TSHZ2: variants seen among roughly 807,000 people sequenced by gnomAD.
The protein encoded by TSHZ2 is teashirt zinc finger homeobox 2.
Under a neutral mutation model 74.4 loss-of-function variants are expected in TSHZ2, and 21 were observed. The observed-to-expected ratio is 0.28, with a 90% confidence interval of 0.20 to 0.41. The LOEUF is 0.41. Ranked by LOEUF, TSHZ2 falls within the 10% of genes least tolerant of loss-of-function variation. The pLI is 1.00. For synonymous variants in TSHZ2, 540 were observed against 515.3 expected (o/e 1.05, Z -0.65); for missense variants, 1,244 against 1,293.5 (o/e 0.96, Z 0.59).
intron 2 of TSHZ2, among the ~76,000 whole-genome samples, chr20:53,411,266 C>T (rs1568905661): frequency 6.6e-6 from 1 of 152,186 alleles, no homozygotes; most frequent in Non-Finnish European, 1.5e-5. Flanking sequence ...TCCCAGGGGC[C>T]TCCAGTCTCA....
At chr20:53,380,295 G>C (rs1454430598) in intron 2 of TSHZ2, among the ~76,000 whole-genome samples, 1 of 151,974 alleles carries the variant, frequency 6.6e-6, no homozygotes. Flanking sequence ...AAAAACAAAG[G>C]CTTTCTTATT....
At chr20:53,433,094 T>C (rs941188416) in intron 2 of TSHZ2, among the ~76,000 whole-genome samples, 15 of 152,206 alleles carry the variant, frequency 9.9e-5, no homozygotes, top group Non-Finnish European at 2.2e-4. Flanking sequence ...AAATCTTTCT[T>C]GGAAACCCAG....
chr20:52,998,498 T>C lies in TSHZ2; in HGVS notation c.40+25165T>C, dbSNP rs556452227. Among the ~76,000 whole-genome samples, 5 of 152,320 alleles carry C rather than the reference T, an allele frequency of 3.3e-5. No homozygotes were observed. In the South Asian group the frequency reaches 8.3e-4, roughly 25 times the overall value. ...TCTGCCCTCTTCTTGGTCTAGTTAATGCCTTCACATGGTTCATATATTAGC... is the reference window on the plus strand; with the variant it reads ...TCTGCCCTCTTCTTGGTCTAGTTAACGCCTTCACATGGTTCATATATTAGC... On this transcript the variant is annotated intron_variant, in intron 1 of 2. Transcript: ENST00000371497.
At chr20:53,247,340 C>T (rs1990231874) in intron 1 of TSHZ2, among the ~76,000 whole-genome samples, 1 of 152,174 alleles carries the variant, frequency 6.6e-6, no homozygotes, top group Admixed American at 6.5e-5. Flanking sequence ...AGTCTGTGCT[C>T]AGGAATGGTG....
chr20:53,480,742 C>T (rs1217289444), intron 2 of TSHZ2, among the ~76,000 whole-genome samples: 3 of 151,974 alleles, frequency 2.0e-5, no homozygotes, highest in South Asian at 2.1e-4. Context: ...ATGGGAGTGT[C>T]GCATAAGAAC....
intron 2 of TSHZ2, among the ~76,000 whole-genome samples, chr20:53,294,931 C>T (rs971885753): frequency 6.6e-6 from 1 of 152,188 alleles, no homozygotes; most frequent in Non-Finnish European, 1.5e-5. Flanking sequence ...AGACACGAGT[C>T]ATTTCTGCTG....
chr20:53,380,508 T>C (rs1486659483), intron 2 of TSHZ2, among the ~76,000 whole-genome samples: 1 of 152,196 alleles, frequency 6.6e-6, no homozygotes, highest in African/African-American at 2.4e-5. Flanking sequence ...TGGCTGAGGA[T>C]TGTGAAACAC....
At chr20:53,105,445 A>C (rs1370014774) in intron 1 of TSHZ2, among the ~76,000 whole-genome samples, 2 of 152,128 alleles carry the variant, frequency 1.3e-5, no homozygotes, top group African/African-American at 4.8e-5. Context: ...AGATATTGCC[A>C]AATGTCTCTT....
At chr20:53,474,896 C>G (rs1985944728) in intron 2 of TSHZ2, among the ~76,000 whole-genome samples, 1 of 143,308 alleles carries the variant, frequency 7.0e-6, no homozygotes, top group South Asian at 2.3e-4. Context: ...CAACAAAGAT[C>G]AAAAGAGACA....
At chr20:53,213,946 A>G (rs1230178428) in intron 1 of TSHZ2, among the ~76,000 whole-genome samples, 2 of 152,160 alleles carry the variant, frequency 1.3e-5, no homozygotes, top group Non-Finnish European at 2.9e-5. Flanking sequence ...GTGCCTCTTC[A>G]ATATAGGACA....
chr20:53,342,792 G>A (rs6022405), intron 2 of TSHZ2, among the ~76,000 whole-genome samples: 49,824 of 151,484 alleles, frequency 0.33, 8,788 homozygotes, highest in South Asian at 0.47. Flanking sequence ...AGATTGACCC[G>A]TTTGGAGGAA....
In TSHZ2 at chr20:53,255,700, A is replaced by G. The variant is rs767857329; in HGVS notation, c.2242A>G (p.Arg748Gly). The change falls in exon 2 of 3, where the codon AGG (arginine) becomes GGG (glycine). Residue 748 changes from arginine to glycine, a missense_variant. Physicochemically the swap from Arg to Gly is moderately radical, Grantham distance 125 (BLOSUM62 -2). Transcript: ENST00000371497. The surrounding 1 kb of genome is among the most constrained non-coding windows in gnomAD (Gnocchi z 4.1). Reference protein sequence around the residue: ...DKPVLSPASTRSASVSRRYLF... With the variant: ...DKPVLSPASTGSASVSRRYLF... ...GCCGGTCTTGAGTCCTGCCTCCACAAGGTCAGCCAGCGTGTCCAGGCGCTA... is the reference window on the plus strand; with the variant it reads ...GCCGGTCTTGAGTCCTGCCTCCACAGGGTCAGCCAGCGTGTCCAGGCGCTA... The G allele has an allele frequency of 2.5e-6, 4 of 1,599,722 alleles. No individual in the cohort carries two copies. The highest frequency in any genetic ancestry group is 3.4e-6 in the Non-Finnish European group (4 of 1,172,944).
intron 1 of TSHZ2, among the ~76,000 whole-genome samples, chr20:53,183,297 G>C (rs1007965527): frequency 4.6e-5 from 7 of 152,198 alleles, no homozygotes; most frequent in African/African-American, 1.7e-4. Context: ...TTGAAGTCAA[G>C]ATTGATTGAA....
intron 2 of TSHZ2, among the ~76,000 whole-genome samples, chr20:53,475,032 G>GACTT (rs1424934548): frequency 7.2e-6 from 1 of 138,146 alleles, no homozygotes; most frequent in Non-Finnish European, 1.5e-5. Flanking sequence ...CCTACAAAGA[G>GACTT]ACTTAGACTC....
At chr20:53,183,262 G>C (rs1264379640) in intron 1 of TSHZ2, among the ~76,000 whole-genome samples, 1 of 152,172 alleles carries the variant, frequency 6.6e-6, no homozygotes, top group Non-Finnish European at 1.5e-5. Flanking sequence ...GAATATTTCA[G>C]GTCACCCAAT....
chr20:53,056,524 T>C (rs895697695), intron 1 of TSHZ2, among the ~76,000 whole-genome samples: 64 of 152,294 alleles, frequency 4.2e-4, no homozygotes, highest in African/African-American at 1.5e-3. Flanking sequence ...TTAGCAAACA[T>C]TTTGGTTCCT....
At chr20:53,290,835 G>A (rs1295956257) in intron 2 of TSHZ2, among the ~76,000 whole-genome samples, 1 of 152,190 alleles carries the variant, frequency 6.6e-6, no homozygotes, top group East Asian at 1.9e-4. Context: ...TCAAGGGTTG[G>A]CAAATCCAGC....
intron 1 of TSHZ2, among the ~76,000 whole-genome samples, chr20:53,046,964 G>T (rs1212187952): frequency 6.6e-6 from 1 of 152,194 alleles, no homozygotes; most frequent in Admixed American, 6.5e-5. Context: ...TAAGGAGAGG[G>T]CAGAGTCTCA....
At chr20:53,321,776 G>A (rs1467802727) in intron 2 of TSHZ2, among the ~76,000 whole-genome samples, 2 of 151,726 alleles carry the variant, frequency 1.3e-5, no homozygotes, top group Non-Finnish European at 2.9e-5. Flanking sequence ...GAAGTCTGAT[G>A]CCTCATCTAA....
Sources: gnomAD v4.1 joint callset for allele counts (sites outside exome capture counted in the v4.1 genomes callset) on GRCh38, gnomAD v4.1.1 for gene constraint, Gnocchi (gnomAD v3.1) non-coding constraint, MANE v1.5 for transcripts, NCBI Gene and HGNC (gene_info 2026-07-23, HGNC 2026-07-21) for gene names.